Variants in REDIC1 observed in about 807,000 individuals in gnomAD.
REDIC1 encodes HEI10 Interacting Protein 1.
the REDIC1 span, among the ~76,000 whole-genome samples, chr12:39,835,945 C>G: frequency 6.6e-6 from 1 of 152,042 alleles, no homozygotes; most frequent in Non-Finnish European, 1.5e-5. Context: ...TTTAAATTGC[C>G]ACGTGGTGAA....
chr12:39,797,512 C>T, the REDIC1 span, among the ~76,000 whole-genome samples: 1 of 152,032 alleles, frequency 6.6e-6, no homozygotes, highest in Non-Finnish European at 1.5e-5. Flanking sequence ...GGAGCTAATC[C>T]AATAACCCAT....
At chr12:39,779,878 G>T in the REDIC1 span, among the ~76,000 whole-genome samples, 1 of 152,202 alleles carries the variant, frequency 6.6e-6, no homozygotes. Flanking sequence ...TCTCTGGCTC[G>T]TGTTTATCTG....
At chr12:39,645,980 AGAGTAGGT>A in the REDIC1 span, among the ~76,000 whole-genome samples, 1 of 152,066 alleles carries the variant, frequency 6.6e-6, no homozygotes, top group Non-Finnish European at 1.5e-5. Flanking sequence ...TCACAAAAAT[AGAGTAGGT>A]GAAAGTACTG....
the REDIC1 span, among the ~76,000 whole-genome samples, chr12:39,845,645 G>A: frequency 1.3e-5 from 2 of 152,096 alleles, no homozygotes; most frequent in Non-Finnish European, 2.9e-5. Flanking sequence ...TGTGTTGTGT[G>A]ACACAGACGA....
At chr12:39,713,384 A>G in the REDIC1 span, among the ~76,000 whole-genome samples, 2 of 145,890 alleles carry the variant, frequency 1.4e-5, no homozygotes, top group African/African-American at 5.0e-5. Flanking sequence ...ATACATATGT[A>G]TGTGTGTAGA....
the REDIC1 span, chr12:39,758,460 T>C: frequency 6.6e-6 from 1 of 151,918 alleles, no homozygotes. Context: ...TTAGAGCCAT[T>C]TAAAAATGCA....
the REDIC1 span, among the ~76,000 whole-genome samples, chr12:39,698,281 A>G: frequency 6.6e-6 from 1 of 152,210 alleles, no homozygotes; most frequent in Non-Finnish European, 1.5e-5. Flanking sequence ...GGGTCAATTC[A>G]GAAAGAGGAT....
At chr12:39,827,968 A>G in the REDIC1 span, among the ~76,000 whole-genome samples, 23 of 152,120 alleles carry the variant, frequency 1.5e-4, no homozygotes, top group African/African-American at 5.3e-4. Flanking sequence ...TAGAGATAGT[A>G]TATCTCTAGA....
the REDIC1 span, among the ~76,000 whole-genome samples, chr12:39,690,458 G>A: frequency 6.9e-3 from 1,056 of 152,172 alleles, 14 homozygotes; most frequent in African/African-American, 0.024. Flanking sequence ...CTAGGAAACC[G>A]GATCAAGATG....
chr12:39,856,503 G>A, the REDIC1 span, among the ~76,000 whole-genome samples: 1 of 152,080 alleles, frequency 6.6e-6, no homozygotes, highest in African/African-American at 2.4e-5. Flanking sequence ...CTAGTAGCTG[G>A]GACTACAGGC....
At chr12:39,767,395 T>G in the REDIC1 span, among the ~76,000 whole-genome samples, 147,512 of 151,696 alleles carry the variant, frequency 0.97, 71,722 homozygotes, top group East Asian at 1. Flanking sequence ...TCCAGGTTTT[T>G]TTGTTTCGTT....
chr12:39,739,667 A>C, the REDIC1 span, among the ~76,000 whole-genome samples: 1 of 152,174 alleles, frequency 6.6e-6, no homozygotes, highest in Non-Finnish European at 1.5e-5. Flanking sequence ...TTTTGAAATT[A>C]ATTATAAAAG....
chr12:39,715,036 T>A, the REDIC1 span, among the ~76,000 whole-genome samples: 15 of 152,096 alleles, frequency 9.9e-5, no homozygotes, highest in Non-Finnish European at 5.9e-5. Flanking sequence ...TTTCTGACTG[T>A]TCCTTTTGCC....
At chr12:39,879,683 A>G in the REDIC1 span, among the ~76,000 whole-genome samples, 4 of 152,268 alleles carry the variant, frequency 2.6e-5, no homozygotes, top group South Asian at 8.3e-4. Flanking sequence ...GGAAGTAACT[A>G]ACTTGATTTT....
At chr12:39,722,038 T>G in the REDIC1 span, 2 of 152,146 alleles carry the variant, frequency 1.3e-5, no homozygotes, top group African/African-American at 4.8e-5. Context: ...TACTCTAAAA[T>G]TGACACTTGT....
chr12:39,713,125 G>T, the REDIC1 span, among the ~76,000 whole-genome samples: 1 of 149,288 alleles, frequency 6.7e-6, no homozygotes, highest in Admixed American at 6.7e-5. Flanking sequence ...GTAGATATGT[G>T]CATATACGTA....
the REDIC1 span, among the ~76,000 whole-genome samples, chr12:39,847,837 T>C: frequency 6.6e-6 from 1 of 152,292 alleles, no homozygotes; most frequent in East Asian, 1.9e-4. Context: ...TATTTTTGAA[T>C]ATATTCTGAA....
chr12:39,893,518 T>C, the REDIC1 span, among the ~76,000 whole-genome samples: 2 of 152,210 alleles, frequency 1.3e-5, no homozygotes, highest in Non-Finnish European at 2.9e-5. Context: ...CAGGCTGGTC[T>C]CAAACTCCTG....
At chr12:39,628,492 C>T in the REDIC1 span, among the ~76,000 whole-genome samples, 1 of 152,124 alleles carries the variant, frequency 6.6e-6, no homozygotes. Flanking sequence ...TTTTACCCCC[C>T]TCCATTGTTA....
Sources: gnomAD v4.1 joint callset for allele counts (sites outside exome capture counted in the v4.1 genomes callset) on GRCh38, gnomAD v4.1.1 for gene constraint, MANE v1.5 for transcripts, NCBI Gene and HGNC (gene_info 2026-07-23, HGNC 2026-07-21) for gene names.